ACACA: variants seen among roughly 807,000 people sequenced by gnomAD.
The protein encoded by ACACA is acetyl-CoA carboxylase 1.
A neutral mutation model predicts 296.1 loss-of-function variants in ACACA; 103 were observed. The ratio of observed to expected loss-of-function variants is 0.35; its 90% CI spans 0.30 to 0.41. The LOEUF (loss-of-function observed/expected upper bound fraction) is 0.41, where lower values mean the gene tolerates loss of function less well. Ranked by LOEUF, ACACA falls within the 10% of genes least tolerant of loss-of-function variation. ACACA has a pLI of 1.00. For missense variants in ACACA, 1,554 were observed against 2,989.7 expected, an observed-to-expected ratio of 0.52 and a Z score of 11.20; for synonymous variants, 953 against 1,038.6, an observed-to-expected ratio of 0.92 and a Z score of 1.58.
At chr17:37,377,547 C>A (rs1188047993) in intron 1 of ACACA, among the ~76,000 whole-genome samples, 3 of 152,028 alleles carry the variant, frequency 2.0e-5, no homozygotes, top group Non-Finnish European at 4.4e-5. Context: ...GTAATCCCAG[C>A]TACTCGGGAG....
chr17:37,141,561 C>T (rs969421547), intron 45 of ACACA: 1 of 173,820 alleles, frequency 5.8e-6, no homozygotes, highest in African/African-American at 2.4e-5. Flanking sequence ...CCACGCCAAC[C>T]TGATTTTCTA....
chr17:37,138,696 C>T (rs1223821289), intron 45 of ACACA, among the ~76,000 whole-genome samples: 2 of 152,214 alleles, frequency 1.3e-5, no homozygotes, highest in African/African-American at 2.4e-5. Flanking sequence ...TTTTTTCACA[C>T]TCCATCCCAG....
At chr17:37,249,050 A>G (rs1249342242) in intron 16 of ACACA, among the ~76,000 whole-genome samples, 2 of 152,196 alleles carry the variant, frequency 1.3e-5, no homozygotes, top group African/African-American at 4.8e-5. Flanking sequence ...CCGTCATTCT[A>G]CTTTCTAGTT....
Position 37,270,875 on chromosome 17 carries a change from G to GAA in ACACA, c.1009-16_1009-15dup. ...TTCCTCAGCTGCCTTCAAAAAGAAA[G>GAA]AAAAAAAAAATAGAAGAAACAGTGT... On this transcript the variant is annotated splice_polypyrimidine_tract_variant and intron_variant, in intron 9 of 55. Transcript: ENST00000616317. 11 of 1,473,082 alleles carry GAA rather than the reference G, an allele frequency of 7.5e-6. No homozygotes were observed. Among genetic ancestry groups the GAA allele is most frequent in the South Asian group, 1.2e-5 (1 of 82,888 alleles). 91.3% of individuals were successfully genotyped at this position (1,473,082 alleles called of 1,614,324 possible).
intron 35 of ACACA, among the ~76,000 whole-genome samples, chr17:37,199,646 G>C (rs2078158494): frequency 6.6e-6 from 1 of 152,034 alleles, no homozygotes; most frequent in Non-Finnish European, 1.5e-5. Flanking sequence ...CTTTAGAATT[G>C]AGACTTCTCA....
At chr17:37,264,521 G>T (rs758598709) in intron 10 of ACACA, among the ~76,000 whole-genome samples, 2 of 152,144 alleles carry the variant, frequency 1.3e-5, no homozygotes, top group Admixed American at 6.5e-5. Context: ...TCTTTTATAG[G>T]GGGGAGGGTG....
chr17:37,308,551 A>C (rs142918799), intron 3 of ACACA, among the ~76,000 whole-genome samples: 63 of 152,330 alleles, frequency 4.1e-4, no homozygotes, highest in African/African-American at 1.5e-3. Flanking sequence ...AAATTGATAA[A>C]TTTCTTAACG....
Position 37,097,966 on chromosome 17 carries a change from G to C in ACACA, c.6584C>G (p.Thr2195Arg). ...AERLGTPELS[T>R]AERKELENKL... ...GTTCTCCAACTCCTTCCGCTCAGCT[G>C]TGCTTAGCTCTGGGGTCCCTGCAAT... Residue 2195 changes from threonine (T) to arginine (R), a missense_variant, in exon 53 of 56, where the codon ACA (threonine) becomes AGA (arginine). Around this residue, in one of 16 missense-constraint regions of ACACA, gnomAD observed 553 missense variants for 1,043.6 expected, o/e 0.53. Coordinates refer to ENST00000616317, the MANE Select transcript of ACACA (RefSeq NM_198834.3). This position sits in a 1 kb window ranked among gnomAD's most constrained non-coding sequence, Gnocchi z 4.8. 6.2e-7 allele frequency: 1 copy of C among 1,614,176 alleles called. No homozygotes were observed. The highest frequency in any genetic ancestry group is 8.5e-7 in the Non-Finnish European group (1 of 1,180,028).
At chr17:37,169,064 T>C (rs2076791270) in intron 41 of ACACA, among the ~76,000 whole-genome samples, 1 of 152,222 alleles carries the variant, frequency 6.6e-6, no homozygotes. Flanking sequence ...TTTGCACTGA[T>C]AGGCAGGGAA....
At chr17:37,342,715 C>T (rs7216136) in intron 1 of ACACA, among the ~76,000 whole-genome samples, 75,039 of 149,810 alleles carry the variant, frequency 0.5, 21,374 homozygotes, top group East Asian at 0.75. Context: ...GAGGCTGAGG[C>T]GGGAGAATCC....
intron 3 of ACACA, among the ~76,000 whole-genome samples, chr17:37,288,526 A>G (rs2082895210): frequency 6.6e-6 from 1 of 152,214 alleles, no homozygotes; most frequent in Admixed American, 6.6e-5. Flanking sequence ...AATGATGGAA[A>G]CGTTCTATAT....
chr17:37,229,824 C>T (rs1230960599), intron 25 of ACACA, among the ~76,000 whole-genome samples: 1 of 151,134 alleles, frequency 6.6e-6, no homozygotes, highest in African/African-American at 2.4e-5. Flanking sequence ...AATCCCAGCA[C>T]TTTGGGAGGC....
chr17:37,220,222 T>A (rs2079220149), intron 29 of ACACA, among the ~76,000 whole-genome samples: 1 of 152,174 alleles, frequency 6.6e-6, no homozygotes, highest in African/African-American at 2.4e-5. Context: ...CTCTCATTTT[T>A]CAGCCAACAT....
chr17:37,248,909 GCACAGTTC>G lies in ACACA; in HGVS notation c.2082-243_2082-236del, dbSNP rs71968517. ...TTTGCCATCTTAACCATTACAAAATGCACAGTTCTATAGTGTTGGGGATATTAACACTA... is the reference window on the plus strand; with the variant it reads ...TTTGCCATCTTAACCATTACAAAATGTATAGTGTTGGGGATATTAACACTA... On this transcript the variant is annotated intron_variant, in intron 16 of 55. Transcript: ENST00000616317. Among the ~76,000 whole-genome samples the G allele has an allele frequency of 9.4e-3, 1,427 of 152,176 alleles. 15 individuals are homozygous for G. Among genetic ancestry groups the G allele is most frequent in the African/African-American group, 0.033 (1,357 of 41,504 alleles).
intron 1 of ACACA, among the ~76,000 whole-genome samples, chr17:37,341,519 G>C (rs756487394): frequency 6.6e-6 from 1 of 151,946 alleles, no homozygotes; most frequent in South Asian, 2.1e-4. Context: ...GTGAAACCTC[G>C]TCTTTACTAA....
chr17:37,146,286 T>G (rs529297289), intron 45 of ACACA, among the ~76,000 whole-genome samples: 1 of 152,104 alleles, frequency 6.6e-6, no homozygotes, highest in East Asian at 1.9e-4. Flanking sequence ...ACACATGCAA[T>G]GTATTAAGTT....
Position 37,240,464 on chromosome 17 carries a change from G to C in ACACA, c.3121+12C>G. ...GCTTTCTTAGCTAGAGAGTCCTCAG[G>C]AAGAGGCTTACCATTCTGGAATTGT... On this transcript the variant is annotated intron_variant, in intron 24 of 55. Coordinates refer to ENST00000616317, the MANE Select transcript of ACACA (RefSeq NM_198834.3). The C allele has an allele frequency of 6.2e-7, 1 of 1,612,286 alleles. No homozygotes were observed. The highest frequency in any genetic ancestry group is 8.5e-7 in the Non-Finnish European group (1 of 1,179,226).
intron 1 of ACACA, among the ~76,000 whole-genome samples, chr17:37,382,169 T>C (rs969301463): frequency 5.9e-5 from 9 of 152,154 alleles, no homozygotes; most frequent in African/African-American, 1.4e-4. Flanking sequence ...AGAAGCAGGA[T>C]TGTTGCATCA....
chr17:37,383,590 CA>C (rs1169941759), intron 1 of ACACA, among the ~76,000 whole-genome samples: 1 of 152,216 alleles, frequency 6.6e-6, no homozygotes, highest in Non-Finnish European at 1.5e-5. Context: ...CTTTGTCCCC[CA>C]GGATGGGGTA....
Sources: gnomAD v4.1 joint callset for allele counts (sites outside exome capture counted in the v4.1 genomes callset) on GRCh38, gnomAD v4.1.1 for gene constraint, gnomAD v4.1.1 regional missense constraint, Gnocchi (gnomAD v3.1) non-coding constraint, MANE v1.5 for transcripts, NCBI Gene and HGNC (gene_info 2026-07-23, HGNC 2026-07-21) for gene names.